PDSS2: variants seen among roughly 807,000 people sequenced by gnomAD.
The protein encoded by PDSS2 is all trans-polyprenyl-diphosphate synthase PDSS2.
Under a neutral mutation model 44.5 loss-of-function variants are expected in PDSS2, and 31 were observed. The ratio of observed to expected loss-of-function variants is 0.70; its 90% confidence interval spans 0.52 to 0.94. The LOEUF is 0.94. Among genes scored for constraint, PDSS2 ranks in the 40% least tolerant of loss-of-function variants. The pLI is 0.00. For missense variants in PDSS2, 452 were observed against 482.2 expected, an observed-to-expected ratio of 0.94 and a Z score of 0.59; for synonymous variants, 157 against 180.3, an observed-to-expected ratio of 0.87 and a Z score of 1.03.
chr6:107,420,741 G>C (rs1020849893), intron 1 of PDSS2, among the ~76,000 whole-genome samples: 1 of 151,588 alleles, frequency 6.6e-6, no homozygotes, highest in African/African-American at 2.4e-5. Context: ...AAAACTTTTA[G>C]AAGAGAACAT....
chr6:107,450,590 C>T (rs973804722), intron 1 of PDSS2, among the ~76,000 whole-genome samples: 2 of 152,154 alleles, frequency 1.3e-5, no homozygotes, highest in African/African-American at 4.8e-5. Flanking sequence ...ACACACAGCC[C>T]TATCCAAGCT....
At chr6:107,222,837 G>A (rs575170961) in intron 4 of PDSS2, among the ~76,000 whole-genome samples, 67 of 151,700 alleles carry the variant, frequency 4.4e-4, no homozygotes, top group African/African-American at 1.3e-3. Flanking sequence ...TGGGTGTGGT[G>A]GCTCATACCT....
intron 4 of PDSS2, among the ~76,000 whole-genome samples, chr6:107,222,461 C>G (rs1315383212): frequency 6.6e-6 from 1 of 151,952 alleles, no homozygotes; most frequent in East Asian, 1.9e-4. Context: ...TCGAGACCAT[C>G]CTGGCCAAAA....
At chr6:107,368,645 G>A (rs912386840) in intron 1 of PDSS2, among the ~76,000 whole-genome samples, 2 of 151,924 alleles carry the variant, frequency 1.3e-5, no homozygotes, top group African/African-American at 4.8e-5. Flanking sequence ...TTTGAGCTTG[G>A]GAGTTCAAGA....
In PDSS2 at chr6:107,322,194, T is replaced by C. The variant is rs562265058; in HGVS notation, c.431+12004A>G. On this transcript the variant is annotated intron_variant, in intron 2 of 7. Transcript: ENST00000369037. ...TATCTAATCCTGTAGGGAATGCAAT[T>C]GAAGAGTTAAGGATGTTTTACTCCA... is the stretch of plus-strand genomic sequence containing the variant. 1.6e-4 allele frequency among the ~76,000 whole-genome samples: 24 copies of C among 152,276 alleles called. No individual in the cohort carries two copies. The South Asian group carries it at 4.3e-3, about 28-fold the overall frequency.
intron 1 of PDSS2, among the ~76,000 whole-genome samples, chr6:107,455,102 T>G (rs1290908963): frequency 6.6e-6 from 1 of 151,826 alleles, no homozygotes; most frequent in Non-Finnish European, 1.5e-5. Flanking sequence ...AGGACAACTT[T>G]GCAAAAACTT....
In PDSS2 at chr6:107,338,891, A is replaced by T. The variant is rs962426491; in HGVS notation, c.297-4559T>A. On this transcript the variant is annotated intron_variant, in intron 1 of 7. Coordinates refer to ENST00000369037, the MANE Select transcript of PDSS2 (RefSeq NM_020381.4). ...AGAGGAGATAGATCTAGTAAGTATT[A>T]ATTTTTTTTTTCTTTTAGAGACAGG... is the stretch of plus-strand genomic sequence containing the variant. Among the ~76,000 whole-genome samples the T allele has an allele frequency of 2.7e-4, 40 of 146,118 alleles. 1 individual carries two copies. The highest frequency in any genetic ancestry group is 1.0e-3 in the African/African-American group (40 of 38,890).
At chr6:107,161,188 T>G (rs1254427076) in intron 7 of PDSS2, among the ~76,000 whole-genome samples, 1 of 151,314 alleles carries the variant, frequency 6.6e-6, no homozygotes. Context: ...GCTAAGAAAT[T>G]TGTACTTTTT....
intron 2 of PDSS2, among the ~76,000 whole-genome samples, chr6:107,312,250 C>T (rs1460058997): frequency 6.6e-6 from 1 of 152,174 alleles, no homozygotes; most frequent in Non-Finnish European, 1.5e-5. Flanking sequence ...CATCCATCCT[C>T]CCCAGAAATA....
At chr6:107,434,414 T>G (rs1781287253) in intron 1 of PDSS2, among the ~76,000 whole-genome samples, 1 of 152,206 alleles carries the variant, frequency 6.6e-6, no homozygotes, top group Non-Finnish European at 1.5e-5. Flanking sequence ...AATGGAGTAT[T>G]TATTCAGTCA....
chr6:107,283,333 G>GAAAAAAGA, intron 2 of PDSS2, among the ~76,000 whole-genome samples: 1 of 147,196 alleles, frequency 6.8e-6, no homozygotes, highest in Middle Eastern at 3.7e-3. Context: ...CTCTTAAAAA[G>GAAAAAAGA]AAAAAAGAAA....
intron 1 of PDSS2, among the ~76,000 whole-genome samples, chr6:107,349,305 C>T (rs1218772067): frequency 2.0e-5 from 3 of 151,934 alleles, no homozygotes; most frequent in African/African-American, 4.8e-5. Flanking sequence ...TGGTGGCGGG[C>T]GCCTGTAGTC....
intron 1 of PDSS2, among the ~76,000 whole-genome samples, chr6:107,342,473 G>A (rs771452898): frequency 6.6e-5 from 10 of 152,126 alleles, no homozygotes; most frequent in Non-Finnish European, 1.5e-4. Flanking sequence ...TTATTTTGAC[G>A]TTGTATTTTA....
chr6:107,184,241 G>A (rs1382103220), intron 7 of PDSS2, among the ~76,000 whole-genome samples: 1 of 152,022 alleles, frequency 6.6e-6, no homozygotes, highest in Non-Finnish European at 1.5e-5. Context: ...AGTTTGCTAG[G>A]GTCATGGGAA....
chr6:107,332,472 G>A (rs1582952035), intron 2 of PDSS2, among the ~76,000 whole-genome samples: 1 of 152,126 alleles, frequency 6.6e-6, no homozygotes, highest in East Asian at 1.9e-4. Flanking sequence ...TACTAAAGAT[G>A]TGCCAAAGAG....
At chr6:107,411,879 CTTTTTTTT>C (rs145161415) in intron 1 of PDSS2, among the ~76,000 whole-genome samples, 3 of 93,876 alleles carry the variant, frequency 3.2e-5, no homozygotes, top group Admixed American at 1.2e-4. Context: ...TCTTCTTCTT[CTTTTTTTT>C]TTTTTTTTTT....
chr6:107,177,076 C>CTT (rs67414057), intron 7 of PDSS2, among the ~76,000 whole-genome samples: 1 of 134,286 alleles, frequency 7.4e-6, no homozygotes, highest in Non-Finnish European at 1.6e-5. Context: ...CGAAGTAATT[C>CTT]TTTTTTTTTT....
chr6:107,206,630 G>C (rs551106768), intron 6 of PDSS2, among the ~76,000 whole-genome samples: 1 of 151,850 alleles, frequency 6.6e-6, no homozygotes, highest in South Asian at 2.1e-4. Context: ...AATTGTCTTG[G>C]GCCACACATA....
chr6:107,245,210 A>C (rs1774566604), intron 4 of PDSS2, among the ~76,000 whole-genome samples: 1 of 152,084 alleles, frequency 6.6e-6, no homozygotes, highest in Non-Finnish European at 1.5e-5. Flanking sequence ...TGGGGAAAGG[A>C]TGGGCTCAGC....
Sources: gnomAD v4.1 joint callset for allele counts (sites outside exome capture counted in the v4.1 genomes callset) on GRCh38, gnomAD v4.1.1 for gene constraint, MANE v1.5 for transcripts, NCBI Gene and HGNC (gene_info 2026-07-23, HGNC 2026-07-21) for gene names.